Variants in ANKRD13D observed in about 807,000 individuals in gnomAD.
ANKRD13D encodes ankyrin repeat domain-containing protein 13D.
Under a neutral mutation model 68.8 loss-of-function variants are expected in ANKRD13D, and 24 were observed. The ratio of observed to expected loss-of-function variants is 0.35; its 90% CI spans 0.25 to 0.49. ANKRD13D has a LOEUF of 0.49. Ranked by LOEUF, ANKRD13D falls within the 20% of genes least tolerant of loss-of-function variation. ANKRD13D has a pLI of 0.99. For missense variants in ANKRD13D, 735 were observed against 832.1 expected (o/e 0.88, Z 1.44); for synonymous variants, 331 against 336.1 (o/e 0.98, Z 0.16).
Position 67,299,888 on chromosome 11 carries a change from G to A in ANKRD13D, c.942G>A (p.Gly314=). The A allele has an allele frequency of 1.3e-6, 2 of 1,547,532 alleles. No individual in the cohort carries two copies. Among genetic ancestry groups the A allele is most frequent in the Non-Finnish European group, 1.7e-6 (2 of 1,145,768 alleles). Residue 314 remains glycine (G), a splice_region_variant and synonymous_variant, in exon 9 of 15, where the codon GGG becomes GGA. Coordinates refer to ENST00000511455, the MANE Select transcript of ANKRD13D (RefSeq NM_207354.3). This position sits in a 1 kb window ranked among gnomAD's most constrained non-coding sequence, Gnocchi z 6.2. ...GMAQQHSSHT[G]APVQQAASPT... ...CGCAGCAGCATTCCTCCCACACCGG[G>A]GTGAGCCGGGGCTGGGCCGAGACAG...
At chr11:67,296,725 G>A (rs1409403697) in intron 6 of ANKRD13D, among the ~76,000 whole-genome samples, 1 of 152,050 alleles carries the variant, frequency 6.6e-6, no homozygotes, top group East Asian at 1.9e-4. Context: ...GAACTCCTGG[G>A]CTTAGGTGAT....
intron 5 of ANKRD13D, 74 bp downstream of exon 5, chr11:67,291,820 T>C: frequency 5.1e-6 from 8 of 1,572,628 alleles, no homozygotes; most frequent in Non-Finnish European, 6.9e-6. Flanking sequence ...GGTGCTGCCT[T>C]TTCTCTCCAC....
In ANKRD13D at chr11:67,289,708, C is replaced by T. The variant is rs561342525; in HGVS notation, c.90+158C>T. ...CGATCCCAAGCCCAGGTCACCGGCC[C>T]CTCGCGCCTGAGCCTCTGGCCTCCT... On this transcript the variant is annotated intron_variant, in intron 1 of 14. Coordinates refer to ENST00000511455, the MANE Select transcript of ANKRD13D (RefSeq NM_207354.3). The T allele has an allele frequency of 8.9e-5, 120 of 1,350,688 alleles. 2 individuals are homozygous for T. In the South Asian group the frequency reaches 1.7e-3, roughly 19 times the overall value. 83.7% of individuals were successfully genotyped at this position (1,350,688 alleles called of 1,614,324 possible).
chr11:67,292,223 T>A, intron 6 of ANKRD13D, 43 bp downstream of exon 6: 1 of 1,537,458 alleles, frequency 6.5e-7, no homozygotes, highest in Non-Finnish European at 8.8e-7. Flanking sequence ...TGGGGACGGA[T>A]AGCAAGAGCC....
chr11:67,299,212 T>C lies in ANKRD13D; in HGVS notation c.798+88T>C. ...TCCACATCCATCCCAGAGTAGCCCC[T>C]GGGCTCTGGAAACCCTGAGCATTTG... On this transcript the variant is annotated intron_variant, in intron 7 of 14. Coordinates refer to ENST00000511455, the MANE Select transcript of ANKRD13D (RefSeq NM_207354.3). The surrounding 1 kb of genome is among the most constrained non-coding windows in gnomAD (Gnocchi z 6.2). 6.6e-7 allele frequency: 1 copy of C among 1,511,002 alleles called. No homozygotes were observed. Among genetic ancestry groups the C allele is most frequent in the Non-Finnish European group, 9.1e-7 (1 of 1,094,544 alleles). 93.6% of individuals were successfully genotyped at this position (1,511,002 alleles called of 1,614,324 possible). A position where few individuals can be genotyped will look rare whatever the true frequency, so the allele number is the denominator to read the frequency against.
rs376467743 is a variant in ANKRD13D, at chr11:67,292,188, G to A, written c.731+8G>A. The A allele has an allele frequency of 4.4e-6, 7 of 1,575,666 alleles. No individual in the cohort carries two copies. Among genetic ancestry groups the A allele is most frequent in the African/African-American group, 1.4e-5 (1 of 73,900 alleles). On this transcript the variant is annotated splice_region_variant and intron_variant, in intron 6 of 14. Transcript: ENST00000511455. ...TAATGTGGCCTTTGAGAGGTCGGTC[G>A]GGTCCTGGCACACCGTGGGTGGGAT...
chr11:67,297,285 C>T (rs1405009806), intron 6 of ANKRD13D, among the ~76,000 whole-genome samples: 1 of 152,030 alleles, frequency 6.6e-6, no homozygotes, highest in Non-Finnish European at 1.5e-5. Context: ...TAGCTCACTG[C>T]AACCTCCGCC....
Position 67,299,895 on chromosome 11 carries a change from C to T in ANKRD13D, c.942+7C>T, listed in dbSNP as rs1033049718. 12 of 1,546,806 alleles carry T rather than the reference C, an allele frequency of 7.8e-6. No individual in the cohort carries two copies. The highest frequency in any genetic ancestry group is 3.9e-5 in the Admixed American group (2 of 51,700). ...GCATTCCTCCCACACCGGGGTGAGC[C>T]GGGGCTGGGCCGAGACAGGGCTGGC... On this transcript the variant is annotated splice_region_variant and intron_variant, in intron 9 of 14. Transcript: ENST00000511455. This position sits in a 1 kb window ranked among gnomAD's most constrained non-coding sequence, Gnocchi z 6.2.
At position 67,301,885 on chromosome 11, in the gene ANKRD13D, G is replaced by T; in HGVS notation, c.1604+62G>T. 2.0e-6 allele frequency: 3 copies of T among 1,505,084 alleles called. No individual in the cohort carries two copies. The highest frequency in any genetic ancestry group is 8.9e-7 in the Non-Finnish European group (1 of 1,120,376). 93.2% of individuals were successfully genotyped at this position (1,505,084 alleles called of 1,614,324 possible). On this transcript the variant is annotated intron_variant, in intron 14 of 14. Coordinates refer to ENST00000511455, the MANE Select transcript of ANKRD13D (RefSeq NM_207354.3). This position sits in a 1 kb window ranked among gnomAD's most constrained non-coding sequence, Gnocchi z 4.5. ...CCCAGCCCTGGCTTGGCGGGGAGGG[G>T]GATAGCAGGAAGGTGCTAGGACCCC... is the stretch of plus-strand genomic sequence containing the variant.
In ANKRD13D at chr11:67,299,494, C is replaced by G. The variant is rs190419253; in HGVS notation, c.799-36C>G. 2,661 of 1,516,768 alleles carry G rather than the reference C, an allele frequency of 1.8e-3. 4 individuals are homozygous for G. Among genetic ancestry groups the G allele is most frequent in the Admixed American group, 2.2e-3 (112 of 50,646 alleles). The allele number at this position is 1,516,768 out of a possible 1,614,324, so 94.0% of individuals were successfully genotyped here. A position where few individuals can be genotyped will look rare whatever the true frequency, so the allele number is the denominator to read the frequency against. On this transcript the variant is annotated intron_variant, in intron 7 of 14. Transcript: ENST00000511455. The surrounding 1 kb of genome is among the most constrained non-coding windows in gnomAD (Gnocchi z 6.2). ...TGAGGCTGAGTGTGGGGAGCAGGCT[C>G]TGAGCCCCCAGCTCCCCGTGTCCCC...
At chr11:67,297,239 T>G (rs916064253) in intron 6 of ANKRD13D, among the ~76,000 whole-genome samples, 4 of 152,214 alleles carry the variant, frequency 2.6e-5, no homozygotes, top group African/African-American at 9.7e-5. Context: ...ACATGGGGTC[T>G]CACTCCATCG....
Position 67,289,338 on chromosome 11 carries a change from C to T in ANKRD13D, c.-123C>T. The stretch of plus-strand genomic sequence containing the variant: ...CCGCCCGCGCTGCCGCCGCCGCCGC[C>T]GCCGCCGCTACTGCTGCGGGGGCCG... On this transcript the variant is annotated 5_prime_UTR_variant, in exon 1 of 15. Transcript: ENST00000511455. 1 of 575,458 alleles carries T rather than the reference C, an allele frequency of 1.7e-6. No individual in the cohort carries two copies. Among genetic ancestry groups the T allele is most frequent in the Non-Finnish European group, 2.2e-6 (1 of 451,136 alleles). 35.6% of individuals were successfully genotyped at this position (575,458 alleles called of 1,614,324 possible).
At chr11:67,293,100 T>C (rs1166053858) in intron 6 of ANKRD13D, among the ~76,000 whole-genome samples, 1 of 152,090 alleles carries the variant, frequency 6.6e-6, no homozygotes, top group Non-Finnish European at 1.5e-5. Context: ...AATGCCACTC[T>C]AAGTATTCAT....
chr11:67,299,246 C>T lies in ANKRD13D; in HGVS notation c.798+122C>T, dbSNP rs879403463. Reference sequence around the variant, plus strand: ...GAAACCCTGAGCATTTGTGGGAACTCAGCGGGCCTGAGTGCCCAGCCCCTG... The same window carrying T: ...GAAACCCTGAGCATTTGTGGGAACTTAGCGGGCCTGAGTGCCCAGCCCCTG... On this transcript the variant is annotated intron_variant, in intron 7 of 14. Coordinates refer to ENST00000511455, the MANE Select transcript of ANKRD13D (RefSeq NM_207354.3). The surrounding 1 kb of genome is among the most constrained non-coding windows in gnomAD (Gnocchi z 6.2). The T allele has an allele frequency of 3.9e-6, 5 of 1,272,526 alleles. No individual in the cohort carries two copies. Among genetic ancestry groups the T allele is most frequent in the Non-Finnish European group, 5.6e-6 (5 of 893,330 alleles). The allele number at this position is 1,272,526 out of a possible 1,614,324, so 78.8% of individuals were successfully genotyped here. A position where few individuals can be genotyped will look rare whatever the true frequency, so the allele number is the denominator to read the frequency against.
In ANKRD13D at chr11:67,300,839, C is replaced by CG. The variant is rs1260966240; in HGVS notation, c.1074-146dup. 1 of 991,056 alleles carries CG rather than the reference C, an allele frequency of 1.0e-6. No individual in the cohort carries two copies. Among genetic ancestry groups the CG allele is most frequent in the Admixed American group, 2.9e-5 (1 of 34,654 alleles). The allele number at this position is 991,056 out of a possible 1,614,324, so 61.4% of individuals were successfully genotyped here. ...GCCACGTGGCCAGGACACCAGCTCC[C>CG]GGGGGAGGCGGGCAGCGGCATCTGA... On this transcript the variant is annotated intron_variant, in intron 10 of 14. Transcript: ENST00000511455. This position sits in a 1 kb window ranked among gnomAD's most constrained non-coding sequence, Gnocchi z 4.3.
In ANKRD13D at chr11:67,302,261, C is replaced by T. The variant is rs772468383; in HGVS notation, c.1747C>T (p.Arg583Trp). 1.9e-6 allele frequency: 3 copies of T among 1,570,712 alleles called. No homozygotes were observed. The highest frequency in any genetic ancestry group is 2.3e-5 in the East Asian group (1 of 42,874). Residue 583 changes from arginine (R) to tryptophan (W), a missense_variant, in exon 15 of 15, where the codon CGG (arginine) becomes TGG (tryptophan). Coordinates refer to ENST00000511455, the MANE Select transcript of ANKRD13D (RefSeq NM_207354.3). ...LELSSREQEERERRGQQEEED... is the reference protein window; with the variant it reads ...LELSSREQEEWERRGQQEEED... ...GTTGTCTTCACGGGAGCAGGAGGAG[C>T]GGGAGCGGCGCGGGCAGCAGGAGGA...
Position 67,300,233 on chromosome 11 carries a change from GACTCC to G in ANKRD13D, c.1073+116_1073+120del. ...CACTCCCTCGGCTGGCTTCTCTCTG[GACTCC>G]ACTCCTGGAGGGCAGGAGTCATGTC... On this transcript the variant is annotated intron_variant, in intron 10 of 14. Transcript: ENST00000511455. The surrounding 1 kb of genome is among the most constrained non-coding windows in gnomAD (Gnocchi z 4.3). The G allele has an allele frequency of 1.4e-6, 2 of 1,477,156 alleles. No individual in the cohort carries two copies. Among genetic ancestry groups the G allele is most frequent in the South Asian group, 2.6e-5 (2 of 78,176 alleles). 91.5% of individuals were successfully genotyped at this position (1,477,156 alleles called of 1,614,324 possible). A position where few individuals can be genotyped will look rare whatever the true frequency, so the allele number is the denominator to read the frequency against.
At chr11:67,292,201 C>T (rs754079696) in intron 6 of ANKRD13D, 21 bp downstream of exon 6, 58 of 1,566,484 alleles carry the variant, frequency 3.7e-5, no homozygotes, top group Non-Finnish European at 4.8e-5. Flanking sequence ...TCCTGGCACA[C>T]CGTGGGTGGG....
chr11:67,301,500 C>T lies in ANKRD13D; in HGVS notation c.1361C>T (p.Pro454Leu), dbSNP rs769679150. The T allele has an allele frequency of 3.5e-5, 56 of 1,612,496 alleles. 2 individuals are homozygous for T. Among genetic ancestry groups the T allele is most frequent in the Admixed American group, 2.0e-4 (12 of 59,946 alleles). Residue 454 changes from proline to leucine, a missense_variant, in exon 13 of 15, where the codon CCG becomes CTG. By Grantham distance (98) the Pro-to-Leu change is moderately conservative. Coordinates refer to ENST00000511455, the MANE Select transcript of ANKRD13D (RefSeq NM_207354.3). This position sits in a 1 kb window ranked among gnomAD's most constrained non-coding sequence, Gnocchi z 4.5. ...SAVAASGNPF[P>L]CEVDPTVFEV... ...GCCACCTGCCTAGGGAACCCTTTCC[C>T]GTGCGAGGTGGACCCCACCGTGTTT...
Sources: gnomAD v4.1 joint callset for allele counts (sites outside exome capture counted in the v4.1 genomes callset) on GRCh38, gnomAD v4.1.1 for gene constraint, Gnocchi (gnomAD v3.1) non-coding constraint, MANE v1.5 for transcripts, NCBI Gene and HGNC (gene_info 2026-07-23, HGNC 2026-07-21) for gene names.